The following NPFFR1 variants were observed in gnomAD, a reference collection of about 807,000 sequenced individuals.
NPFFR1 encodes G-protein coupled receptor 147.
Under a neutral mutation model 12.7 loss-of-function variants are expected in NPFFR1, and 17 were observed. That is an observed-to-expected ratio of 1.34 (90% CI 0.92 to 2.01). The LOEUF (loss-of-function observed/expected upper bound fraction) is 2.01. Ranked by LOEUF, NPFFR1 falls within the 30% of genes most tolerant of loss-of-function variation. NPFFR1 has a pLI of 0.00. For missense variants in NPFFR1, 604 were observed against 606.5 expected, an observed-to-expected ratio of 1.00 and a Z score of 0.04; for synonymous variants, 296 against 264.5, an observed-to-expected ratio of 1.12 and a Z score of -1.16.
intron 1 of NPFFR1, among the ~76,000 whole-genome samples, chr10:70,279,716 C>T (rs1840840030): frequency 6.6e-6 from 1 of 152,204 alleles, no homozygotes; most frequent in Non-Finnish European, 1.5e-5. Flanking sequence ...CCGCTTTGGC[C>T]TCCCAAAGTG....
At chr10:70,260,045 G>A (rs1001537064) in intron 3 of NPFFR1, among the ~76,000 whole-genome samples, 1 of 152,190 alleles carries the variant, frequency 6.6e-6, no homozygotes, top group African/African-American at 2.4e-5. Flanking sequence ...AGGCCTCCTG[G>A]GTTCAGTGCT....
At chr10:70,282,143 T>C (rs1174618401) in intron 1 of NPFFR1, among the ~76,000 whole-genome samples, 1 of 152,226 alleles carries the variant, frequency 6.6e-6, no homozygotes, top group Non-Finnish European at 1.5e-5. Context: ...GTCATATGTC[T>C]GGGCTTCAAT....
chr10:70,283,134 G>T (rs12262376), intron 1 of NPFFR1, among the ~76,000 whole-genome samples: 3,915 of 138,744 alleles, frequency 0.028, 139 homozygotes, highest in African/African-American at 0.091. Context: ...CTCTCTTTTT[G>T]TGTGTGTGTG....
intron 2 of NPFFR1, 95 bp downstream of exon 2, chr10:70,265,982 A>G: frequency 8.3e-7 from 1 of 1,211,732 alleles, no homozygotes; most frequent in Non-Finnish European, 1.2e-6. Flanking sequence ...CAGCCCAGCA[A>G]TGATATCTGT....
chr10:70,259,220 A>G (rs937806744), intron 3 of NPFFR1, among the ~76,000 whole-genome samples: 1 of 151,530 alleles, frequency 6.6e-6, no homozygotes, highest in African/African-American at 2.4e-5. Context: ...CGGGAGGCAG[A>G]GGTTGCAGTC....
intron 1 of NPFFR1, among the ~76,000 whole-genome samples, chr10:70,270,826 C>T (rs919186797): frequency 7.9e-5 from 12 of 152,120 alleles, no homozygotes; most frequent in African/African-American, 2.2e-4. Context: ...TCCTTGAACC[C>T]GGTGAAGCCA....
Position 70,248,454 on chromosome 10 carries a change from T to TAC in NPFFR1, c.*6501_*6502dup, listed in dbSNP as rs1194777826. The stretch of plus-strand genomic sequence containing the variant: ...TAAATAACAGACACAAAGTACGTAG[T>TAC]ACTATGCCTGGCGTTTTTTTTTTGT... On this transcript the variant is annotated 3_prime_UTR_variant, in exon 4 of 4. Coordinates refer to ENST00000277942, the MANE Select transcript of NPFFR1 (RefSeq NM_022146.5). 6.8e-6 allele frequency: 1 copy of TAC among 147,690 alleles called. No individual in the cohort carries two copies. The highest frequency in any genetic ancestry group is 1.5e-5 in the Non-Finnish European group (1 of 67,376). 9.1% of individuals were successfully genotyped at this position (147,690 alleles called of 1,614,324 possible).
chr10:70,257,049 T>G (rs1840579947), intron 3 of NPFFR1, among the ~76,000 whole-genome samples: 1 of 152,180 alleles, frequency 6.6e-6, no homozygotes, highest in Non-Finnish European at 1.5e-5. Context: ...GGAGGATCAC[T>G]TGAACCCAGG....
At position 70,255,869 on chromosome 10, in the gene NPFFR1, AGGGCCCCTGCGAG is replaced by A. The variant is rs753253066; in HGVS notation, c.423-55_423-43del. The A allele has an allele frequency of 3.9e-6, 6 of 1,555,130 alleles. No homozygotes were observed. The highest frequency in any genetic ancestry group is 5.2e-6 in the Non-Finnish European group (6 of 1,148,176). Reference sequence around the variant, plus strand: ...GACAGGCGGGATCTGGGTGGGTCCTAGGGCCCCTGCGAGGGGACGGTGGGTGGGATGCGGGCAC... The same window carrying A: ...GACAGGCGGGATCTGGGTGGGTCCTAGGGACGGTGGGTGGGATGCGGGCAC... On this transcript the variant is annotated intron_variant, in intron 3 of 3. Coordinates refer to ENST00000277942, the MANE Select transcript of NPFFR1 (RefSeq NM_022146.5). This position sits in a 1 kb window ranked among gnomAD's most constrained non-coding sequence, Gnocchi z 4.2.
rs1002182753 is a variant in NPFFR1 at position 70,255,088 on chromosome 10, C to T, written c.1162G>A (p.Gly388Ser). The T allele has an allele frequency of 8.9e-6, 13 of 1,466,308 alleles. No homozygotes were observed. In the Admixed American group the frequency reaches 2.6e-4, roughly 29 times the overall value. 90.8% of individuals were successfully genotyped at this position (1,466,308 alleles called of 1,614,324 possible). A position where few individuals can be genotyped will look rare whatever the true frequency, so the allele number is the denominator to read the frequency against. The change falls in exon 4 of 4, where the codon GGC becomes AGC. Residue 388 changes from glycine (G) to serine (S), a missense_variant. Transcript: ENST00000277942. The surrounding 1 kb of genome is among the most constrained non-coding windows in gnomAD (Gnocchi z 4.2). ...GGCCTGGGGGCCCCACTGCTAGGGCCCGACTCAGAGGGCAGCCCGGAGTCG... is the reference window on the plus strand; with the variant it reads ...GGCCTGGGGGCCCCACTGCTAGGGCTCGACTCAGAGGGCAGCCCGGAGTCG... ...PSDSGLPSES[G>S]PSSGAPRPGR...
intron 1 of NPFFR1, among the ~76,000 whole-genome samples, chr10:70,270,896 C>T (rs1267476762): frequency 6.6e-6 from 1 of 152,064 alleles, no homozygotes; most frequent in South Asian, 2.1e-4. Context: ...TCCAGGGTAC[C>T]CAAGAGAGAT....
chr10:70,256,009 G>T (rs56938544), intron 3 of NPFFR1, among the ~76,000 whole-genome samples, 182 bp from the exon 4 acceptor site: 8,889 of 152,056 alleles, frequency 0.058, 352 homozygotes, highest in East Asian at 0.099. Flanking sequence ...TTATGAGAAG[G>T]GAGGAGGAAA....
chr10:70,272,386 G>A (rs566094448), intron 1 of NPFFR1, among the ~76,000 whole-genome samples: 1 of 152,310 alleles, frequency 6.6e-6, no homozygotes, highest in South Asian at 2.1e-4. Context: ...GCTGATCCTG[G>A]GAACACGTGG....
At chr10:70,264,917 C>T (rs542636744) in intron 2 of NPFFR1, among the ~76,000 whole-genome samples, 23 of 152,328 alleles carry the variant, frequency 1.5e-4, no homozygotes, top group African/African-American at 5.3e-4. Context: ...CAGCTAGTGA[C>T]CTCATTATAT....
Position 70,277,292 on chromosome 10 carries a change from T to C in NPFFR1, c.7+6378A>G, listed in dbSNP as rs1840814028. 2.6e-5 allele frequency among the ~76,000 whole-genome samples: 4 copies of C among 152,334 alleles called. No homozygotes were observed. In the South Asian group the frequency reaches 6.2e-4, roughly 24 times the overall value. On this transcript the variant is annotated intron_variant, in intron 1 of 3. Transcript: ENST00000277942. ...GCAGCCCCACAGTGTCCCCAGAATC[T>C]AGACCATTTGTGCAGACCTGCTGCA...
At chr10:70,269,537 G>T (rs200839351) in intron 1 of NPFFR1, among the ~76,000 whole-genome samples, 1 of 149,356 alleles carries the variant, frequency 6.7e-6, no homozygotes, top group Admixed American at 6.6e-5. Context: ...TTGAGACGGA[G>T]TCTTGATCTG....
At chr10:70,273,928 G>C (rs1840775063) in intron 1 of NPFFR1, among the ~76,000 whole-genome samples, 1 of 152,156 alleles carries the variant, frequency 6.6e-6, no homozygotes, top group Non-Finnish European at 1.5e-5. Context: ...GTCAGAGAAA[G>C]TGTTAGAGAT....
At chr10:70,280,063 CT>C (rs1386814875) in intron 1 of NPFFR1, among the ~76,000 whole-genome samples, 1 of 152,226 alleles carries the variant, frequency 6.6e-6, no homozygotes, top group African/African-American at 2.4e-5. Context: ...ACAATTCTGT[CT>C]TTTTAAAGGC....
chr10:70,247,378 T>C lies in NPFFR1; in HGVS notation c.*7579A>G, dbSNP rs913248316. 6.6e-6 allele frequency: 1 copy of C among 152,204 alleles called. No individual in the cohort carries two copies. Among genetic ancestry groups the C allele is most frequent in the South Asian group, 2.1e-4 (1 of 4,828 alleles). The allele number at this position is 152,204 out of a possible 1,614,324, so 9.4% of individuals were successfully genotyped here. A position where few individuals can be genotyped will look rare whatever the true frequency, so the allele number is the denominator to read the frequency against. On this transcript the variant is annotated 3_prime_UTR_variant, in exon 4 of 4. Transcript: ENST00000277942. Reference sequence around the variant, plus strand: ...ATAATTTATAGCATAGGTAACAGAATCATTTTGCAAAGACACGGACTAGAG... The same window carrying C: ...ATAATTTATAGCATAGGTAACAGAACCATTTTGCAAAGACACGGACTAGAG...
Sources: allele counts gnomAD v4.1 joint callset (sites outside exome capture counted in the v4.1 genomes callset), GRCh38; gene constraint gnomAD v4.1.1; non-coding constraint Gnocchi (gnomAD v3.1); transcripts MANE v1.5; gene names NCBI Gene and HGNC (gene_info 2026-07-23, HGNC 2026-07-21).